NCAM1: variants seen among roughly 807,000 people sequenced by gnomAD.
NCAM1 encodes the protein antigen recognized by monoclonal antibody 5.1H11.
Under a neutral mutation model 109.8 loss-of-function variants are expected in NCAM1, and 14 were observed. The observed-to-expected ratio is 0.13, with a 90% confidence interval of 0.08 to 0.20. The LOEUF (loss-of-function observed/expected upper bound fraction) is 0.20. NCAM1 is among the 10% of genes least tolerant of loss of function. The probability of loss-of-function intolerance (pLI) is 1.00; values close to 1 mark genes in which losing one functional copy is unlikely to be tolerated. For missense variants in NCAM1, 774 were observed against 1,109.9 expected (o/e 0.70, Z 4.30); for synonymous variants, 418 against 442.9 (o/e 0.94, Z 0.70).
chr11:113,073,711 G>C (rs1489613418), intron 1 of NCAM1, among the ~76,000 whole-genome samples: 1 of 152,126 alleles, frequency 6.6e-6, no homozygotes, highest in Non-Finnish European at 1.5e-5. Context: ...CTTTAAATCC[G>C]CATCACACAT....
chr11:113,097,008 C>T (rs1193986597), intron 1 of NCAM1, among the ~76,000 whole-genome samples: 1 of 152,276 alleles, frequency 6.6e-6, no homozygotes, highest in East Asian at 1.9e-4. Context: ...CCCCCCCTGC[C>T]CTGTGCCAAT....
intron 1 of NCAM1, among the ~76,000 whole-genome samples, chr11:113,124,215 G>A (rs1555096624): frequency 6.6e-6 from 1 of 152,226 alleles, no homozygotes; most frequent in Non-Finnish European, 1.5e-5. Context: ...TCTCTAGACT[G>A]AGAAGGAGGA....
At chr11:112,968,651 T>C (rs1555066151) in intron 1 of NCAM1, among the ~76,000 whole-genome samples, 4 of 152,112 alleles carry the variant, frequency 2.6e-5, no homozygotes, top group African/African-American at 9.7e-5. Flanking sequence ...CAGAGAAATA[T>C]AGACATTAAA....
chr11:113,251,009 C>T (rs911884314), intron 15 of NCAM1, among the ~76,000 whole-genome samples: 1 of 152,152 alleles, frequency 6.6e-6, no homozygotes, highest in African/African-American at 2.4e-5. Flanking sequence ...CCATGTAGGC[C>T]AGGCTGGTCT....
chr11:112,990,381 G>A (rs907073369), intron 1 of NCAM1, among the ~76,000 whole-genome samples: 31 of 152,142 alleles, frequency 2.0e-4, no homozygotes, highest in African/African-American at 7.2e-4. Context: ...GTGCTACCTG[G>A]AAGACTCAGG....
At chr11:113,248,522 G>A (rs1379551458) in intron 15 of NCAM1, among the ~76,000 whole-genome samples, 1 of 152,100 alleles carries the variant, frequency 6.6e-6, no homozygotes, top group Non-Finnish European at 1.5e-5. Context: ...AAGCTGAATT[G>A]GGCCTCAATG....
At chr11:113,069,794 G>A (rs1434204530) in intron 1 of NCAM1, among the ~76,000 whole-genome samples, 1 of 152,302 alleles carries the variant, frequency 6.6e-6, no homozygotes, top group African/African-American at 2.4e-5. Flanking sequence ...TTGGTAGACG[G>A]GAGGGAGAAA....
intron 8 of NCAM1, among the ~76,000 whole-genome samples, chr11:113,217,310 A>C (rs1248861824): frequency 1.3e-5 from 2 of 152,052 alleles, no homozygotes. Context: ...CCCTTCCTCT[A>C]CTCAGTCCTC....
Position 113,204,311 on chromosome 11 carries a change from C to A in NCAM1, c.153C>A (p.Asp51Glu). 6.2e-7 allele frequency: 1 copy of A among 1,612,986 alleles called. No individual in the cohort carries two copies. Among genetic ancestry groups the A allele is most frequent in the Non-Finnish European group, 8.5e-7 (1 of 1,179,494 alleles). ...CQVAGDAKDK[D>E]ISWFSPNGEK... ...TGGCAGGAGATGCCAAAGATAAAGA[C>A]ATCTCCTGGTTCTCCCCCAATGGAG... The change falls in exon 3 of 20, where the codon GAC becomes GAA. Residue 51 changes from aspartate to glutamate, a missense_variant. This residue lies in a region of NCAM1 where 112 missense variants were observed against 142.0 expected (regional missense o/e 0.79). Transcript: ENST00000316851.
At chr11:113,123,315 A>G (rs1555096439) in intron 1 of NCAM1, among the ~76,000 whole-genome samples, 1 of 152,232 alleles carries the variant, frequency 6.6e-6, no homozygotes, top group Non-Finnish European at 1.5e-5. Flanking sequence ...AAAATATCAC[A>G]TGTACCCCAT....
intron 1 of NCAM1, among the ~76,000 whole-genome samples, chr11:113,190,349 G>C (rs1591400711): frequency 2.0e-5 from 3 of 152,340 alleles, no homozygotes; most frequent in Admixed American, 2.0e-4. Flanking sequence ...AACTAACTGA[G>C]AAGGAGAAAG....
Position 113,260,250 on chromosome 11 carries a change from T to G in NCAM1, c.2058T>G (p.Ala686=), listed in dbSNP as rs1466947692. The G allele has an allele frequency of 2.1e-5, 34 of 1,613,892 alleles. No individual in the cohort carries two copies. The highest frequency in any genetic ancestry group is 2.7e-5 in the Non-Finnish European group (32 of 1,179,894). ...WNAEYEVYVV[A]ENQQGKSKAA... ...CTGAGTATGAGGTCTACGTGGTGGC[T>G]GAGAACCAGCAAGGAAAATCCAAGG... Residue 686 remains alanine (A), a synonymous_variant, in exon 17 of 20, where the codon GCT becomes GCG. Coordinates refer to ENST00000316851, the MANE Select transcript of NCAM1 (RefSeq NM_181351.5).
At chr11:112,967,538 C>T (rs553358428) in intron 1 of NCAM1, among the ~76,000 whole-genome samples, 11 of 152,228 alleles carry the variant, frequency 7.2e-5, no homozygotes, top group South Asian at 4.1e-4. Context: ...TTTCCTCTTC[C>T]GTGAGATCGG....
chr11:113,030,346 GT>G (rs748756552), intron 1 of NCAM1, among the ~76,000 whole-genome samples: 3 of 152,158 alleles, frequency 2.0e-5, no homozygotes, highest in Non-Finnish European at 4.4e-5. Context: ...TTCCAGACTT[GT>G]ATTGGGGTGT....
In NCAM1 at chr11:113,260,057, T is replaced by C. The variant is rs534354618; in HGVS notation, c.1954-89T>C. ...TCATGCCAAAAGTTATTGAGTCCCGTAAGTTTTGCCTATTGTCTGGTCTTA... is the reference window on the plus strand; with the variant it reads ...TCATGCCAAAAGTTATTGAGTCCCGCAAGTTTTGCCTATTGTCTGGTCTTA... On this transcript the variant is annotated intron_variant, in intron 16 of 19. Transcript: ENST00000316851. The C allele has an allele frequency of 4.1e-6, 5 of 1,211,824 alleles. No individual in the cohort carries two copies. In the South Asian group the frequency reaches 7.9e-5, roughly 19 times the overall value. 75.1% of individuals were successfully genotyped at this position (1,211,824 alleles called of 1,614,324 possible). A position where few individuals can be genotyped will look rare whatever the true frequency, so the allele number is the denominator to read the frequency against.
chr11:113,110,267 G>T (rs1275093764), intron 1 of NCAM1, among the ~76,000 whole-genome samples: 2 of 152,130 alleles, frequency 1.3e-5, no homozygotes, highest in Non-Finnish European at 2.9e-5. Context: ...TCACTTCCTG[G>T]CATGTATTAT....
intron 1 of NCAM1, among the ~76,000 whole-genome samples, chr11:113,129,360 T>C (rs1333140942): frequency 2.6e-5 from 4 of 152,248 alleles, no homozygotes; most frequent in African/African-American, 9.6e-5. Flanking sequence ...TTTCTGTGCA[T>C]GCGGAGCTGG....
intron 9 of NCAM1, among the ~76,000 whole-genome samples, chr11:113,230,964 T>C (rs1177918437): frequency 6.6e-6 from 1 of 152,210 alleles, no homozygotes. Flanking sequence ...AAAATGGTGG[T>C]GGCCAAGGTG....
intron 1 of NCAM1, among the ~76,000 whole-genome samples, chr11:112,968,633 T>C (rs567065640): frequency 6.6e-6 from 1 of 152,198 alleles, no homozygotes; most frequent in Non-Finnish European, 1.5e-5. Flanking sequence ...GTTTCCAGTC[T>C]AGTAGTACAG....
Sources: gnomAD v4.1 joint callset for allele counts (sites outside exome capture counted in the v4.1 genomes callset) on GRCh38, gnomAD v4.1.1 for gene constraint, gnomAD v4.1.1 regional missense constraint, MANE v1.5 for transcripts, NCBI Gene and HGNC (gene_info 2026-07-23, HGNC 2026-07-21) for gene names.